Variants in ARHGEF16 observed in about 807,000 individuals in gnomAD.
ARHGEF16 encodes the protein Rho guanine nucleotide exchange factor 16.
A neutral mutation model predicts 74.1 loss-of-function variants in ARHGEF16; 59 were observed. The observed-to-expected ratio is 0.80, with a 90% CI of 0.65 to 0.99. The LOEUF is 0.99. ARHGEF16 is among the 50% of genes least tolerant of loss of function. ARHGEF16 has a pLI of 0.00. For missense variants in ARHGEF16, 948 were observed against 986.6 expected, an observed-to-expected ratio of 0.96 and a Z score of 0.52; for synonymous variants, 415 against 412.6, an observed-to-expected ratio of 1.01 and a Z score of -0.07.
chr1:3,480,766 C>A lies in ARHGEF16; in HGVS notation c.*179C>A. ...ACTTCACGGAAGGAAGATCACATGT[C>A]CCCAGAGAGGCACCCCCAGGCAAGC... On this transcript the variant is annotated 3_prime_UTR_variant, in exon 15 of 15. Transcript: ENST00000378378. 1 of 886,998 alleles carries A rather than the reference C, an allele frequency of 1.1e-6. No individual in the cohort carries two copies. 54.9% of individuals were successfully genotyped at this position (886,998 alleles called of 1,614,324 possible). A position where few individuals can be genotyped will look rare whatever the true frequency, so the allele number is the denominator to read the frequency against.
In ARHGEF16 at chr1:3,463,137, G is replaced by C. The variant is rs1038152955; in HGVS notation, c.53G>C (p.Arg18Pro). ...TTGGAGGAGAAGCTCCTGGGACACCGCTTCCACTCGGAGCTCCGGCTCGAT... is the reference window on the plus strand; with the variant it reads ...TTGGAGGAGAAGCTCCTGGGACACCCCTTCCACTCGGAGCTCCGGCTCGAT... The part of the protein sequence containing the change: ...SSLEEKLLGH[R>P]FHSELRLDAG... The change falls in exon 2 of 15, where the codon CGC (arginine) becomes CCC (proline). Residue 18 changes from arginine to proline, a missense_variant. Physicochemically the swap from Arg to Pro is moderately radical, Grantham distance 103. Coordinates refer to ENST00000378378, the MANE Select transcript of ARHGEF16 (RefSeq NM_014448.4). 1.3e-6 allele frequency: 2 copies of C among 1,485,638 alleles called. No homozygotes were observed. The highest frequency in any genetic ancestry group is 2.8e-5 in the African/African-American group (2 of 70,900). 92.0% of individuals were successfully genotyped at this position (1,485,638 alleles called of 1,614,324 possible). A position where few individuals can be genotyped will look rare whatever the true frequency, so the allele number is the denominator to read the frequency against.
chr1:3,477,904 G>C lies in ARHGEF16; in HGVS notation c.1503G>C (p.Trp501Cys), dbSNP rs771283374. 5 of 1,612,560 alleles carry C rather than the reference G, an allele frequency of 3.1e-6. No homozygotes were observed. The Admixed American group carries it at 5.0e-5, about 16-fold the overall frequency. The change falls in exon 11 of 15, where the codon TGG (tryptophan) becomes TGC (cysteine). Residue 501 changes from tryptophan to cysteine, a missense_variant. Physicochemically the swap from Trp to Cys is radical, Grantham distance 215. Coordinates refer to ENST00000378378, the MANE Select transcript of ARHGEF16 (RefSeq NM_014448.4). ...KSLPLISASR[W>C]LLKRGELFLV... The stretch of plus-strand genomic sequence containing the variant: ...TCCCACTGATCTCTGCCTCCCGGTG[G>C]CTGCTGAAGCGCGGAGAGCTGTTCT...
chr1:3,480,385 T>A, intron 14 of ARHGEF16, 63 bp from the exon 15 acceptor site: 1 of 1,597,392 alleles, frequency 6.3e-7, no homozygotes, highest in Middle Eastern at 1.7e-4. Context: ...GCATAGCAGC[T>A]CAGAGGGGCC....
intron 1 of ARHGEF16, among the ~76,000 whole-genome samples, chr1:3,461,210 G>A (rs1027882847): frequency 4.6e-5 from 7 of 152,216 alleles, no homozygotes; most frequent in Non-Finnish European, 1.0e-4. Flanking sequence ...TGAAAGCAGC[G>A]AGTTTTCTCC....
intron 1 of ARHGEF16, among the ~76,000 whole-genome samples, chr1:3,455,306 G>T (rs1639241788): frequency 6.6e-6 from 1 of 151,974 alleles, no homozygotes; most frequent in African/African-American, 2.4e-5. Flanking sequence ...TTTCAGAAAA[G>T]CCCCGAGAAG....
intron 6 of ARHGEF16, among the ~76,000 whole-genome samples, chr1:3,471,045 GATGTGTGTGTGCATGGACAGGT>G (rs1639705537): frequency 7.2e-6 from 1 of 139,748 alleles, no homozygotes. Context: ...CGTGGGCAGG[GATGTGTGTGTGCATGGACAGGT>G]ATGTGTGCAT....
chr1:3,474,260 G>A (rs1639822436), intron 8 of ARHGEF16: 2 of 222,922 alleles, frequency 9.0e-6, no homozygotes, highest in South Asian at 8.0e-5. Flanking sequence ...TGGTGCACAG[G>A]CATATTCACA....
chr1:3,469,503 T>G lies in ARHGEF16; in HGVS notation c.932T>G (p.Leu311Arg), dbSNP rs553627615. ...CTGAGCATCCTGGTGGAGGAGTTCC[T>G]GCAGTCCAAGGAGCTGCGGGCGACC... ...HSLSILVEEF[L>R]QSKELRATVT... The change falls in exon 6 of 15, where the codon CTG becomes CGG. Residue 311 changes from leucine to arginine, a missense_variant. Transcript: ENST00000378378. The G allele has an allele frequency of 2.0e-3, 3,213 of 1,613,224 alleles. 77 individuals carry two copies. The South Asian group carries it at 0.034, about 17-fold the overall frequency.
rs377070482 is a variant in ARHGEF16 at position 3,472,181 on chromosome 1, C to T, written c.1023-897C>T. 9.8e-5 allele frequency among the ~76,000 whole-genome samples: 15 copies of T among 152,346 alleles called. No homozygotes were observed. The East Asian group carries it at 1.5e-3, about 16-fold the overall frequency. ...CGGCCTGGAGACACGGATGTGGTCT[C>T]GGGTTGGGTGCTCTGAGGGTCTGCA... On this transcript the variant is annotated intron_variant, in intron 6 of 14. Transcript: ENST00000378378.
chr1:3,462,981 A>T, intron 1 of ARHGEF16, 85 bp from the exon 2 acceptor site: 1 of 956,488 alleles, frequency 1.0e-6, no homozygotes, highest in Non-Finnish European at 1.5e-6. Context: ...CCCCGGCCAG[A>T]CATATGCAAA....
chr1:3,459,546 G>A (rs1434939361), intron 1 of ARHGEF16, among the ~76,000 whole-genome samples: 1 of 152,162 alleles, frequency 6.6e-6, no homozygotes, highest in African/African-American at 2.4e-5. Flanking sequence ...GAGGGGCCCC[G>A]GAAGCAGCAG....
At position 3,473,498 on chromosome 1, in the gene ARHGEF16, G is replaced by A; in HGVS notation, c.1281G>A (p.Val427=). ...TCCTGATCCTCCCCATGCAGCGGGT[G>A]ACCCGGCTGCCCCTCCTGATGGATG... The part of the protein sequence containing the change: ...LSFLILPMQR[V]TRLPLLMDTL... Residue 427 remains valine (V), a synonymous_variant, in exon 8 of 15, where the codon GTG becomes GTA. Transcript: ENST00000378378. 1.2e-6 allele frequency: 2 copies of A among 1,610,638 alleles called. No individual in the cohort carries two copies. The highest frequency in any genetic ancestry group is 1.7e-6 in the Non-Finnish European group (2 of 1,180,008).
At chr1:3,455,630 C>G (rs1639250276) in intron 1 of ARHGEF16, among the ~76,000 whole-genome samples, 1 of 152,128 alleles carries the variant, frequency 6.6e-6, no homozygotes, top group Admixed American at 6.5e-5. Context: ...TCTCTGTGTC[C>G]TTGAGGGGAA....
chr1:3,473,419 C>T lies in ARHGEF16; in HGVS notation c.1202C>T (p.Ala401Val), dbSNP rs2100753478. The change falls in exon 8 of 15, where the codon GCC (alanine) becomes GTC (valine). Residue 401 changes from alanine to valine, a missense_variant. Physicochemically the swap from Ala to Val is moderately conservative, Grantham distance 64 (BLOSUM62 0). Coordinates refer to ENST00000378378, the MANE Select transcript of ARHGEF16 (RefSeq NM_014448.4). Reference sequence around the variant, plus strand: ...AGCAGCAACGCCGCCTTCCGAGAGGCCCTGAGAGAGATTGAGAGGCGGCCG... The same window carrying T: ...AGCAGCAACGCCGCCTTCCGAGAGGTCCTGAGAGAGATTGAGAGGCGGCCG... ...LISSNAAFRE[A>V]LREIERRPAC... 1 of 1,612,034 alleles carries T rather than the reference C, an allele frequency of 6.2e-7. No homozygotes were observed. Among genetic ancestry groups the T allele is most frequent in the Non-Finnish European group, 8.5e-7 (1 of 1,179,524 alleles).
chr1:3,470,908 G>T, intron 6 of ARHGEF16, among the ~76,000 whole-genome samples: 1 of 139,730 alleles, frequency 7.2e-6, no homozygotes. Context: ...CTGGCCAGGG[G>T]TATGTGTGTG....
rs903128380 is a variant in ARHGEF16 at position 3,458,163 on chromosome 1, C to T, written c.-20+3352C>T. ...TGCTCTTCAGTGTGGAATCTGAGCC[C>T]GACTGTGGGGACACGAACAGGAAAC... On this transcript the variant is annotated intron_variant, in intron 1 of 14. Coordinates refer to ENST00000378378, the MANE Select transcript of ARHGEF16 (RefSeq NM_014448.4). 3.3e-5 allele frequency among the ~76,000 whole-genome samples: 5 copies of T among 152,212 alleles called. No homozygotes were observed. The South Asian group carries it at 6.2e-4, about 19-fold the overall frequency.
chr1:3,466,799 C>T (rs568623241), intron 3 of ARHGEF16, among the ~76,000 whole-genome samples: 3 of 152,334 alleles, frequency 2.0e-5, no homozygotes, highest in East Asian at 3.9e-4. Flanking sequence ...TGGCCCCTTC[C>T]AGCCCCCAGA....
At position 3,480,772 on chromosome 1, in the gene ARHGEF16, A is replaced by G. The variant is rs1640036190; in HGVS notation, c.*185A>G. 3.5e-6 allele frequency: 3 copies of G among 848,044 alleles called. No individual in the cohort carries two copies. The highest frequency in any genetic ancestry group is 3.6e-4 in the Middle Eastern group (1 of 2,778). The allele number at this position is 848,044 out of a possible 1,614,324, so 52.5% of individuals were successfully genotyped here. On this transcript the variant is annotated 3_prime_UTR_variant, in exon 15 of 15. Transcript: ENST00000378378. ...CGGAAGGAAGATCACATGTCCCCAG[A>G]GAGGCACCCCCAGGCAAGCTCGAGG... is the stretch of plus-strand genomic sequence containing the variant.
chr1:3,467,161 T>C lies in ARHGEF16; in HGVS notation c.635-7T>C. The C allele has an allele frequency of 1.9e-6, 3 of 1,548,482 alleles. No homozygotes were observed. The highest frequency in any genetic ancestry group is 1.7e-6 in the Non-Finnish European group (2 of 1,145,384). On this transcript the variant is annotated splice_region_variant and splice_polypyrimidine_tract_variant and intron_variant, in intron 3 of 14. Transcript: ENST00000378378. ...AGGGCCACAGGTTACCCTCCTTCTC[T>C]CTCTAGACCCCCAGCTCTACCAGGA...
Sources: gnomAD v4.1 joint callset for allele counts (sites outside exome capture counted in the v4.1 genomes callset) on GRCh38, gnomAD v4.1.1 for gene constraint, MANE v1.5 for transcripts, NCBI Gene and HGNC (gene_info 2026-07-23, HGNC 2026-07-21) for gene names.